The following RALGAPA2 variants were observed in gnomAD, a reference collection of about 807,000 sequenced individuals.
The protein encoded by RALGAPA2 is Ral GTPase activating protein catalytic subunit alpha 2.
In RALGAPA2, 139 loss-of-function variants were observed where a neutral mutation model predicts 230.4. That is an observed-to-expected ratio of 0.60 (90% CI 0.53 to 0.69). RALGAPA2 has a LOEUF of 0.69. RALGAPA2 is among the 30% of genes least tolerant of loss of function. The probability of loss-of-function intolerance (pLI) is 0.00; values close to 1 mark genes in which losing one functional copy is unlikely to be tolerated. For missense variants in RALGAPA2, 2,163 were observed against 2,276.0 expected, an observed-to-expected ratio of 0.95 and a Z score of 1.01; for synonymous variants, 847 against 837.8, an observed-to-expected ratio of 1.01 and a Z score of -0.19.
chr20:20,467,963 T>C (rs2061456455), intron 37 of RALGAPA2, among the ~76,000 whole-genome samples: 1 of 152,220 alleles, frequency 6.6e-6, no homozygotes, highest in South Asian at 2.1e-4. Flanking sequence ...GAACTCTTCT[T>C]TTTGTAAGGT....
chr20:20,538,954 T>C (rs1397673670), intron 24 of RALGAPA2, among the ~76,000 whole-genome samples: 8 of 152,232 alleles, frequency 5.3e-5, no homozygotes, highest in Non-Finnish European at 1.2e-4. Flanking sequence ...GGTTTTTCAA[T>C]TAAATAAATG....
At chr20:20,460,049 C>T (rs997371325) in intron 37 of RALGAPA2, among the ~76,000 whole-genome samples, 2 of 152,188 alleles carry the variant, frequency 1.3e-5, no homozygotes, top group African/African-American at 4.8e-5. Context: ...GTGCTTGCCA[C>T]GGCTATACCG....
At chr20:20,623,654 C>T (rs1024419705) in intron 10 of RALGAPA2, among the ~76,000 whole-genome samples, 1 of 152,172 alleles carries the variant, frequency 6.6e-6, no homozygotes, top group Non-Finnish European at 1.5e-5. Context: ...CTCTCTGTCT[C>T]TCTGAGGTGC....
chr20:20,677,629 ATTTTTTTTTTTTTTTTTTTT>A (rs758379115), intron 2 of RALGAPA2, among the ~76,000 whole-genome samples: 1 of 64,284 alleles, frequency 1.6e-5, no homozygotes, highest in Non-Finnish European at 2.9e-5. Context: ...GATTTGACCC[ATTTTTTTTTTTTTTTTTTTT>A]TTTTTTTTTT....
chr20:20,404,038 C>T (rs776221789), intron 38 of RALGAPA2, among the ~76,000 whole-genome samples: 1 of 152,144 alleles, frequency 6.6e-6, no homozygotes, highest in Non-Finnish European at 1.5e-5. Context: ...CGTGGGGGCA[C>T]AGGTAGGTGG....
chr20:20,680,748 T>A lies in RALGAPA2; in HGVS notation c.160A>T (p.Ile54Leu). The A allele has an allele frequency of 6.3e-7, 1 of 1,588,480 alleles. No homozygotes were observed. The highest frequency in any genetic ancestry group is 1.2e-5 in the South Asian group (1 of 84,560). ...AAATTTTCATAGAAGATGAAATATA[T>A]CTGAGAATAGTTGGTCTCAAAAAAC... is the stretch of plus-strand genomic sequence containing the variant. ...KQFFETNYSQ[I>L]YFIFYENFIA... The change falls in exon 2 of 40, where the codon ATA becomes TTA. Residue 54 changes from isoleucine (I) to leucine (L), a missense_variant. By Grantham distance (5) the Ile-to-Leu change is conservative. Transcript: ENST00000202677.
chr20:20,692,277 T>C (rs183667913), intron 1 of RALGAPA2, among the ~76,000 whole-genome samples: 6 of 152,350 alleles, frequency 3.9e-5, no homozygotes, highest in Admixed American at 3.9e-4. Context: ...CATACCTGTT[T>C]AAATTATAAA....
At chr20:20,651,019 G>C in intron 4 of RALGAPA2, among the ~76,000 whole-genome samples, 1 of 152,210 alleles carries the variant, frequency 6.6e-6, no homozygotes, top group South Asian at 2.1e-4. Context: ...CTTGTGTGTA[G>C]ATATTCCACT....
At position 20,616,166 on chromosome 20, in the gene RALGAPA2, A is replaced by T; in HGVS notation, c.1565T>A (p.Ile522Asn). The T allele has an allele frequency of 6.5e-7, 1 of 1,536,508 alleles. No individual in the cohort carries two copies. ...LQVFLTNSAN[I>N]FLLEPCAEVP... Reference sequence around the variant, plus strand: ...TTCAGCACATGGTTCCAACAAAAAGATGTTTGCAGAGTTCGTCAAAAATAC... The same window carrying T: ...TTCAGCACATGGTTCCAACAAAAAGTTGTTTGCAGAGTTCGTCAAAAATAC... Residue 522 changes from isoleucine to asparagine, a missense_variant, in exon 13 of 40, where the codon ATC becomes AAC. Transcript: ENST00000202677.
chr20:20,524,296 A>G, intron 30 of RALGAPA2, 110 bp downstream of exon 30: 1 of 1,415,374 alleles, frequency 7.1e-7, no homozygotes, highest in Non-Finnish European at 9.7e-7. Context: ...GCCACCATAA[A>G]TCCTTTTCAA....
At chr20:20,572,612 TAAAG>T (rs2064681864) in intron 21 of RALGAPA2, among the ~76,000 whole-genome samples, 1 of 152,206 alleles carries the variant, frequency 6.6e-6, no homozygotes. Context: ...ATCACTTTTA[TAAAG>T]AGAGTAACTA....
chr20:20,655,904 C>A (rs1034723592), intron 3 of RALGAPA2, among the ~76,000 whole-genome samples: 1 of 151,814 alleles, frequency 6.6e-6, no homozygotes, highest in African/African-American at 2.4e-5. Context: ...GATGGCAACA[C>A]CTTTATCCAA....
chr20:20,609,167 T>A (rs1036204531), intron 14 of RALGAPA2, among the ~76,000 whole-genome samples: 3 of 152,212 alleles, frequency 2.0e-5, no homozygotes, highest in Non-Finnish European at 2.9e-5. Flanking sequence ...GATAATTTTT[T>A]TAAAATTTTT....
At chr20:20,709,387 C>T (rs372455989) in intron 1 of RALGAPA2, among the ~76,000 whole-genome samples, 273 of 152,020 alleles carry the variant, frequency 1.8e-3, no homozygotes, top group African/African-American at 6.4e-3. Context: ...ACTCCAGGGG[C>T]TGAGGTGGGA....
intron 37 of RALGAPA2, among the ~76,000 whole-genome samples, chr20:20,425,863 G>C (rs1295226760): frequency 2.6e-5 from 4 of 152,228 alleles, no homozygotes; most frequent in African/African-American, 9.6e-5. Context: ...GCAAAAGTAT[G>C]TTGGCCAGTT....
At chr20:20,403,709 G>T (rs1785160149) in intron 38 of RALGAPA2, among the ~76,000 whole-genome samples, 1 of 152,200 alleles carries the variant, frequency 6.6e-6, no homozygotes, top group South Asian at 2.1e-4. Context: ...CTGCACCCTA[G>T]GGATGTAGCT....
chr20:20,465,682 A>C (rs946735772), intron 37 of RALGAPA2, among the ~76,000 whole-genome samples: 4 of 152,110 alleles, frequency 2.6e-5, no homozygotes, highest in Non-Finnish European at 5.9e-5. Context: ...AGCAGAGTGT[A>C]CCACCTTCTC....
chr20:20,637,355 G>A lies in RALGAPA2; in HGVS notation c.805+8C>T. On this transcript the variant is annotated splice_region_variant and intron_variant, in intron 8 of 39. Coordinates refer to ENST00000202677, the MANE Select transcript of RALGAPA2 (RefSeq NM_020343.4). ...ATATCCTCTATACACGGCTCCAACAGTACTTACCAAGTACAGGTTTGTAGA... is the reference window on the plus strand; with the variant it reads ...ATATCCTCTATACACGGCTCCAACAATACTTACCAAGTACAGGTTTGTAGA... 3 of 1,593,594 alleles carry A rather than the reference G, an allele frequency of 1.9e-6. No individual in the cohort carries two copies. The South Asian group carries it at 3.4e-5, about 18-fold the overall frequency.
At chr20:20,640,906 T>C (rs1425721421) in intron 5 of RALGAPA2, 28 bp from the exon 6 acceptor site, 2 of 1,553,318 alleles carry the variant, frequency 1.3e-6, no homozygotes, top group South Asian at 1.1e-5. Context: ...ACAATGAAAA[T>C]GAAACACATG....
Sources: gnomAD v4.1 joint callset for allele counts (sites outside exome capture counted in the v4.1 genomes callset) on GRCh38, gnomAD v4.1.1 for gene constraint, MANE v1.5 for transcripts, NCBI Gene and HGNC (gene_info 2026-07-23, HGNC 2026-07-21) for gene names.